The following CTNNA3 variants were observed in gnomAD, a reference collection of about 807,000 sequenced individuals.
CTNNA3 encodes catenin alpha-3.
Under a neutral mutation model 95.7 loss-of-function variants are expected in CTNNA3, and 76 were observed. That is an observed-to-expected ratio of 0.79 (90% CI 0.66 to 0.96). CTNNA3 has a LOEUF of 0.96. Among genes scored for constraint, CTNNA3 ranks in the 40% least tolerant of loss-of-function variants. The pLI, the probability that CTNNA3 is intolerant of heterozygous loss-of-function variation, is 0.00. For synonymous variants in CTNNA3, 431 were observed against 374.4 expected, an observed-to-expected ratio of 1.15 and a Z score of -1.74; for missense variants, 1,191 against 1,089.8, an observed-to-expected ratio of 1.09 and a Z score of -1.31.
chr10:67,701,138 T>G (rs1436931557), upstream of CTNNA3, among the ~76,000 whole-genome samples: 1 of 152,164 alleles, frequency 6.6e-6, no homozygotes, highest in African/African-American at 2.4e-5. Context: ...AAAGACCAAA[T>G]CTACGTCTGA....
chr10:67,148,814 C>G (rs567418307), intron 7 of CTNNA3, among the ~76,000 whole-genome samples: 2 of 152,136 alleles, frequency 1.3e-5, no homozygotes, highest in Non-Finnish European at 2.9e-5. Flanking sequence ...CCAAGAAATG[C>G]AGTAAATCCA....
At chr10:67,204,500 T>G (rs1863802825) in intron 6 of CTNNA3, among the ~76,000 whole-genome samples, 1 of 152,196 alleles carries the variant, frequency 6.6e-6, no homozygotes, top group South Asian at 2.1e-4. Flanking sequence ...CCTGCAGAAC[T>G]GTAAGCCAAT....
At chr10:67,508,013 G>GTTGT (rs1004701548) in intron 5 of CTNNA3, among the ~76,000 whole-genome samples, 8 of 151,548 alleles carry the variant, frequency 5.3e-5, no homozygotes, top group Non-Finnish European at 7.4e-5. Context: ...TCCTTTTTTT[G>GTTGT]TTGTTTGTTT....
At chr10:67,119,893 A>T (rs567235723) in intron 7 of CTNNA3, among the ~76,000 whole-genome samples, 96 of 151,934 alleles carry the variant, frequency 6.3e-4, no homozygotes, top group Non-Finnish European at 1.3e-3. Flanking sequence ...TTCCTGCCTT[A>T]GGTTTCCTAG....
At chr10:66,686,592 C>A (rs551560054) in intron 9 of CTNNA3, among the ~76,000 whole-genome samples, 11 of 152,140 alleles carry the variant, frequency 7.2e-5, no homozygotes, top group Non-Finnish European at 1.5e-5. Flanking sequence ...AGGCTATAGG[C>A]CTCTCTTTGA....
At chr10:66,951,001 T>C (rs1483735465) in intron 7 of CTNNA3, among the ~76,000 whole-genome samples, 2 of 152,172 alleles carry the variant, frequency 1.3e-5, no homozygotes, top group East Asian at 1.9e-4. Context: ...ATAGATGGTA[T>C]GCTTATTTAA....
intron 3 of CTNNA3, among the ~76,000 whole-genome samples, chr10:67,575,543 G>A (rs1842114550): frequency 6.6e-6 from 1 of 152,136 alleles, no homozygotes; most frequent in African/African-American, 2.4e-5. Context: ...AACAGTAATA[G>A]AGAAAGTGAC....
At chr10:67,503,250 G>T (rs1361877093) in intron 5 of CTNNA3, among the ~76,000 whole-genome samples, 3 of 152,178 alleles carry the variant, frequency 2.0e-5, no homozygotes, top group Non-Finnish European at 4.4e-5. Context: ...CACTTCCCGG[G>T]TGAAGCAATG....
intron 11 of CTNNA3, among the ~76,000 whole-genome samples, chr10:66,446,453 G>C (rs2093422099): frequency 6.6e-6 from 1 of 151,732 alleles, no homozygotes; most frequent in Admixed American, 6.6e-5. Context: ...GAATCCAGCA[G>C]CACATCAAAA....
At chr10:66,742,031 T>C (rs993169798) in intron 9 of CTNNA3, among the ~76,000 whole-genome samples, 9 of 152,160 alleles carry the variant, frequency 5.9e-5, no homozygotes, top group Admixed American at 5.9e-4. Context: ...AACAGCAATG[T>C]TCAGGGAACA....
At chr10:67,183,134 T>C (rs547132127) in intron 6 of CTNNA3, among the ~76,000 whole-genome samples, 6 of 152,328 alleles carry the variant, frequency 3.9e-5, no homozygotes, top group African/African-American at 1.2e-4. Flanking sequence ...AGTGTGGTGA[T>C]TCCTCAGGGA....
intron 13 of CTNNA3, among the ~76,000 whole-genome samples, chr10:66,137,393 A>G (rs1397888037): frequency 6.6e-6 from 1 of 152,170 alleles, no homozygotes; most frequent in Non-Finnish European, 1.5e-5. Flanking sequence ...CCAAATGTAA[A>G]AAAACAAAGT....
intron 13 of CTNNA3, among the ~76,000 whole-genome samples, chr10:66,147,589 G>A (rs1464531515): frequency 6.7e-6 from 1 of 148,262 alleles, no homozygotes; most frequent in East Asian, 2.0e-4. Context: ...CCTTTTGAGG[G>A]ACACTCAGGT....
intron 1 of CTNNA3, among the ~76,000 whole-genome samples, chr10:67,651,199 A>G (rs534411490): frequency 7.4e-4 from 112 of 152,302 alleles, no homozygotes; most frequent in Admixed American, 1.2e-3. Context: ...CTTTAAGCTT[A>G]TTAAATTCCA....
chr10:67,193,926 A>G (rs894144953), intron 6 of CTNNA3, among the ~76,000 whole-genome samples: 1 of 152,088 alleles, frequency 6.6e-6, no homozygotes, highest in African/African-American at 2.4e-5. Context: ...TTAGGCTCCC[A>G]CTAGCTGTGT....
At chr10:67,673,919 CA>C (rs1214102163) in intron 1 of CTNNA3, among the ~76,000 whole-genome samples, 2 of 151,100 alleles carry the variant, frequency 1.3e-5, no homozygotes, top group Non-Finnish European at 3.0e-5. Context: ...CTATCACATG[CA>C]TTTATAAATA....
chr10:66,126,941 A>G (rs1167290076), intron 13 of CTNNA3, among the ~76,000 whole-genome samples: 1 of 152,152 alleles, frequency 6.6e-6, no homozygotes, highest in Non-Finnish European at 1.5e-5. Flanking sequence ...ACTGTGGGCT[A>G]CATAGTGACT....
At chr10:66,498,357 C>A (rs1037115948) in intron 11 of CTNNA3, among the ~76,000 whole-genome samples, 2 of 152,020 alleles carry the variant, frequency 1.3e-5, no homozygotes, top group Non-Finnish European at 2.9e-5. Context: ...TACTTACTAC[C>A]TAAAACATAT....
Position 66,578,607 on chromosome 10 carries a change from G to A in CTNNA3, c.1374+43085C>T, listed in dbSNP as rs193104882. ...TTTTTGTTGGTAATTCTATTTATAT[G>A]GTGAATCACATGTATTGATTTGCCT... is the stretch of plus-strand genomic sequence containing the variant. On this transcript the variant is annotated intron_variant, in intron 10 of 17. Coordinates refer to ENST00000433211, the MANE Select transcript of CTNNA3 (RefSeq NM_013266.4). Among the ~76,000 whole-genome samples the A allele has an allele frequency of 2.6e-3, 389 of 151,886 alleles. 1 individual carries two copies. Among genetic ancestry groups the A allele is most frequent in the Non-Finnish European group, 4.3e-3 (293 of 67,890 alleles).
Sources: allele counts gnomAD v4.1 joint callset (sites outside exome capture counted in the v4.1 genomes callset), GRCh38; gene constraint gnomAD v4.1.1; transcripts MANE v1.5; gene names NCBI Gene and HGNC (gene_info 2026-07-23, HGNC 2026-07-21).